Variants in PLEK observed in about 807,000 individuals in gnomAD.
The protein encoded by PLEK is platelet 47 kDa protein.
A neutral mutation model predicts 43.9 loss-of-function variants in PLEK; 25 were observed. That is an observed-to-expected ratio of 0.57 (90% CI 0.41 to 0.79). The LOEUF is 0.79. Among genes scored for constraint, PLEK ranks in the 30% least tolerant of loss-of-function variants. The pLI is 0.00. For missense variants in PLEK, 396 were observed against 413.3 expected (o/e 0.96, Z 0.36); for synonymous variants, 152 against 144.4 (o/e 1.05, Z -0.38).
At chr2:68,380,672 C>T (rs1393059512) in intron 2 of PLEK, 51 bp from the exon 3 acceptor site, 1 of 1,581,706 alleles carries the variant, frequency 6.3e-7, no homozygotes, top group Non-Finnish European at 8.6e-7. Flanking sequence ...CATGAGGGGC[C>T]CCAAGCCCTT....
At chr2:68,379,442 A>G (rs1337786870) in intron 1 of PLEK, among the ~76,000 whole-genome samples, 1 of 152,180 alleles carries the variant, frequency 6.6e-6, no homozygotes, top group Admixed American at 6.5e-5. Context: ...CCGAACACCA[A>G]TAATTATCAT....
chr2:68,393,575 T>G (rs1473218841), intron 7 of PLEK, among the ~76,000 whole-genome samples: 1 of 152,222 alleles, frequency 6.6e-6, no homozygotes, highest in Non-Finnish European at 1.5e-5. Flanking sequence ...AAGGTGATAA[T>G]TCCTCATCCA....
chr2:68,395,019 G>A (rs968028027), intron 8 of PLEK, among the ~76,000 whole-genome samples: 1 of 47,864 alleles, frequency 2.1e-5, no homozygotes, highest in Non-Finnish European at 4.9e-5. Flanking sequence ...GAGCATGCTG[G>A]TTCTTTATTT....
intron 1 of PLEK, among the ~76,000 whole-genome samples, chr2:68,376,984 T>C (rs192509830): frequency 2.6e-5 from 4 of 152,284 alleles, no homozygotes; most frequent in African/African-American, 7.2e-5. Context: ...TTCAGTTGTT[T>C]TGATTTTTAG....
rs533105924 is a variant in PLEK at position 68,388,419 on chromosome 2, C to T, written c.690C>T (p.Ser230=). ...PDSGFFCEEN[S]SDDDVILKEE... is the part of the protein sequence containing the mutation. ...GTGGGTTCTTCTGTGAAGAGAATTCCAGTGATGATGATGTGATTCTGAAAG... is the reference window on the plus strand; with the variant it reads ...GTGGGTTCTTCTGTGAAGAGAATTCTAGTGATGATGATGTGATTCTGAAAG... Residue 230 remains serine (S), a synonymous_variant, in exon 6 of 9, where the codon TCC becomes TCT. Transcript: ENST00000234313. 4.3e-6 allele frequency: 7 copies of T among 1,610,592 alleles called. No individual in the cohort carries two copies. The East Asian group carries it at 1.3e-4, about 31-fold the overall frequency.
chr2:68,376,825 TCA>T, intron 1 of PLEK, among the ~76,000 whole-genome samples: 1 of 152,288 alleles, frequency 6.6e-6, no homozygotes, highest in Middle Eastern at 3.4e-3. Context: ...TTGGCAATAG[TCA>T]CACTGTTGTG....
rs758248156 is a variant in PLEK, at chr2:68,380,408, C to A, written c.123C>A (p.Asp41Glu). The A allele has an allele frequency of 6.2e-7, 1 of 1,613,648 alleles. No homozygotes were observed. Among genetic ancestry groups the A allele is most frequent in the Non-Finnish European group, 8.5e-7 (1 of 1,179,566 alleles). ...TTGAATTCTATAAGAAGAAAAGTGA[C>A]AACAGCCCCAAAGGAATGATCCCGC... ...DGIEFYKKKS[D>E]NSPKGMIPLK... The change falls in exon 2 of 9, where the codon GAC (aspartate) becomes GAA (glutamate). Residue 41 changes from aspartate to glutamate, a missense_variant. Asp to Glu is a conservative substitution (Grantham distance 45). Coordinates refer to ENST00000234313, the MANE Select transcript of PLEK (RefSeq NM_002664.3).
chr2:68,388,185 G>A (rs935076056), intron 5 of PLEK: 8 of 505,062 alleles, frequency 1.6e-5, no homozygotes, highest in Non-Finnish European at 2.5e-5. Flanking sequence ...AGACAAGAAA[G>A]GAACAGCCCC....
At chr2:68,383,082 A>T (rs1673663140) in intron 4 of PLEK, among the ~76,000 whole-genome samples, 1 of 152,234 alleles carries the variant, frequency 6.6e-6, no homozygotes, top group Non-Finnish European at 1.5e-5. Flanking sequence ...TGTAGTGGTT[A>T]AAAACATGTC....
intron 8 of PLEK, among the ~76,000 whole-genome samples, chr2:68,394,743 G>A (rs755505102): frequency 1.3e-5 from 2 of 152,160 alleles, no homozygotes; most frequent in African/African-American, 2.4e-5. Flanking sequence ...TGCACTAGAG[G>A]ACCCCAGACC....
chr2:68,393,236 C>A lies in PLEK; in HGVS notation c.837C>A (p.Asp279Glu). ...REDPAYLHYY[D>E]PAGAEDPLGA... ...ACCCTGCCTACCTGCACTACTATGA[C>A]CCTGCTGGGGTAAGGTCCTGTGGTT... Residue 279 changes from aspartate (D) to glutamate (E), a missense_variant, in exon 7 of 9, where the codon GAC (aspartate) becomes GAA (glutamate). Transcript: ENST00000234313. 1.9e-6 allele frequency: 3 copies of A among 1,603,116 alleles called. 1 individual carries two copies. Among genetic ancestry groups the A allele is most frequent in the South Asian group, 2.2e-5 (2 of 90,858 alleles).
At position 68,388,424 on chromosome 2, in the gene PLEK, A is replaced by G. The variant is rs751465412; in HGVS notation, c.695A>G (p.Asp232Gly). 3 of 1,611,632 alleles carry G rather than the reference A, an allele frequency of 1.9e-6. No individual in the cohort carries two copies. Among genetic ancestry groups the G allele is most frequent in the Middle Eastern group, 3.3e-4 (2 of 6,056 alleles). ...TTCTTCTGTGAAGAGAATTCCAGTGATGATGATGTGATTCTGAAAGAAGAA... is the reference window on the plus strand; with the variant it reads ...TTCTTCTGTGAAGAGAATTCCAGTGGTGATGATGTGATTCTGAAAGAAGAA... ...SGFFCEENSS[D>G]DDVILKEEFR... Residue 232 changes from aspartate to glycine, a missense_variant, in exon 6 of 9, where the codon GAT becomes GGT. Physicochemically the swap from Asp to Gly is moderately conservative, Grantham distance 94 (BLOSUM62 -1). Transcript: ENST00000234313.
Position 68,396,746 on chromosome 2 carries a change from G to A in PLEK, c.*930G>A, listed in dbSNP as rs990687915. 4 of 152,216 alleles carry A rather than the reference G, an allele frequency of 2.6e-5. No individual in the cohort carries two copies. The highest frequency in any genetic ancestry group is 2.0e-4 in the Admixed American group (3 of 15,274). The allele number at this position is 152,216 out of a possible 1,614,324, so 9.4% of individuals were successfully genotyped here. Reference sequence around the variant, plus strand: ...AGTGGCCAGATGTGTTCCCCCCATGGGTGAGAGGCCTGGGCAACTGCCTGG... The same window carrying A: ...AGTGGCCAGATGTGTTCCCCCCATGAGTGAGAGGCCTGGGCAACTGCCTGG... On this transcript the variant is annotated 3_prime_UTR_variant, in exon 9 of 9. Transcript: ENST00000234313.
rs1221714185 is a variant in PLEK at position 68,397,317 on chromosome 2, ACTGT to A, written c.*1504_*1507del. 1 of 152,182 alleles carries A rather than the reference ACTGT, an allele frequency of 6.6e-6. No individual in the cohort carries two copies. The highest frequency in any genetic ancestry group is 1.5e-5 in the Non-Finnish European group (1 of 68,034). 9.4% of individuals were successfully genotyped at this position (152,182 alleles called of 1,614,324 possible). ...TTTATCAATAGCCTAGAGGTAAAGAACTGTCTTTTTCTCTGATTCTTTAATAAAT... is the reference window on the plus strand; with the variant it reads ...TTTATCAATAGCCTAGAGGTAAAGAACTTTTTCTCTGATTCTTTAATAAAT... On this transcript the variant is annotated 3_prime_UTR_variant, in exon 9 of 9. Transcript: ENST00000234313.
chr2:68,384,278 A>G (rs1262588236), intron 4 of PLEK, among the ~76,000 whole-genome samples: 1 of 148,910 alleles, frequency 6.7e-6, no homozygotes, highest in East Asian at 2.0e-4. Flanking sequence ...ACGGAGTTTC[A>G]CTTTTGTTGT....
intron 4 of PLEK, among the ~76,000 whole-genome samples, chr2:68,384,068 G>C (rs1673686140): frequency 6.6e-6 from 1 of 152,164 alleles, no homozygotes; most frequent in Non-Finnish European, 1.5e-5. Flanking sequence ...TTTCAATGTA[G>C]ACTTGGGCAC....
intron 1 of PLEK, among the ~76,000 whole-genome samples, chr2:68,377,716 G>T (rs1039118443): frequency 2.0e-5 from 3 of 152,156 alleles, no homozygotes; most frequent in African/African-American, 7.2e-5. Context: ...CTGTCATTCT[G>T]TGGGTTGTCT....
At chr2:68,393,397 A>G (rs1470902983) in intron 7 of PLEK, 152 bp downstream of exon 7, 8 of 616,908 alleles carry the variant, frequency 1.3e-5, no homozygotes, top group African/African-American at 1.1e-4. Flanking sequence ...ACCTTTTTCT[A>G]TCCCCTTTCA....
chr2:68,390,962 T>C (rs1024717619), intron 6 of PLEK, among the ~76,000 whole-genome samples: 2 of 152,240 alleles, frequency 1.3e-5, no homozygotes, highest in Non-Finnish European at 2.9e-5. Flanking sequence ...CACATTTAGA[T>C]TCCTTGAGGG....
Sources: allele counts gnomAD v4.1 joint callset (sites outside exome capture counted in the v4.1 genomes callset), GRCh38; gene constraint gnomAD v4.1.1; transcripts MANE v1.5; gene names NCBI Gene and HGNC (gene_info 2026-07-23, HGNC 2026-07-21).